The following PTPRK variants were observed in gnomAD, a reference collection of about 807,000 sequenced individuals.
The protein encoded by PTPRK is receptor-type tyrosine-protein phosphatase kappa.
PTPRK carries 75 observed loss-of-function variants against 178.0 expected under a neutral mutation model. The observed-to-expected ratio is 0.42, with a 90% CI of 0.35 to 0.51. The LOEUF (loss-of-function observed/expected upper bound fraction) is 0.51, where lower values mean the gene tolerates loss of function less well. PTPRK is among the 20% of genes least tolerant of loss of function. The pLI is 0.02. For synonymous variants in PTPRK, 637 were observed against 620.6 expected (o/e 1.03, Z -0.39); for missense variants, 1,441 against 1,797.8 (o/e 0.80, Z 3.59).
intron 2 of PTPRK, among the ~76,000 whole-genome samples, chr6:128,336,290 T>A (rs1830922088): frequency 6.6e-6 from 1 of 152,006 alleles, no homozygotes. Flanking sequence ...GCTCAATGGG[T>A]AAACACAAAC....
intron 2 of PTPRK, among the ~76,000 whole-genome samples, chr6:128,351,652 C>T (rs901438915): frequency 3.9e-5 from 6 of 152,122 alleles, no homozygotes; most frequent in African/African-American, 1.4e-4. Flanking sequence ...AGGGCAAAAA[C>T]TTTCAAACAT....
At chr6:128,356,333 A>G in intron 2 of PTPRK, among the ~76,000 whole-genome samples, 1 of 152,166 alleles carries the variant, frequency 6.6e-6, no homozygotes, top group Admixed American at 6.5e-5. Flanking sequence ...GGTATAATCA[A>G]CGGACTTCCT....
intron 12 of PTPRK, among the ~76,000 whole-genome samples, chr6:128,066,700 CAATA>C (rs138949244): frequency 0.093 from 13,966 of 149,426 alleles, 934 homozygotes; most frequent in African/African-American, 0.19. Context: ...CTCTGTCTGC[CAATA>C]AATAAATAAA....
intron 7 of PTPRK, among the ~76,000 whole-genome samples, chr6:128,159,340 C>T (rs1798360941): frequency 6.6e-6 from 1 of 151,768 alleles, no homozygotes; most frequent in Non-Finnish European, 1.5e-5. Flanking sequence ...ATCAAAGCCC[C>T]AGACTAGGAA....
rs1262070141 is a variant in PTPRK at position 127,983,183 on chromosome 6, CTT to C, written c.3387+57_3387+58del. On this transcript the variant is annotated intron_variant, in intron 23 of 29. Transcript: ENST00000368226. ...AGAGTATATATGAGAGACATCTACT[CTT>C]TGTTTGCAAAAAAAATAAAAAATAA... 4 of 1,448,812 alleles carry C rather than the reference CTT, an allele frequency of 2.8e-6. No individual in the cohort carries two copies. The African/African-American group carries it at 4.4e-5, about 16-fold the overall frequency. 89.7% of individuals were successfully genotyped at this position (1,448,812 alleles called of 1,614,324 possible).
At chr6:128,481,149 A>G (rs1220503049) in intron 1 of PTPRK, among the ~76,000 whole-genome samples, 1 of 151,984 alleles carries the variant, frequency 6.6e-6, no homozygotes, top group Non-Finnish European at 1.5e-5. Flanking sequence ...AAAAAAAACT[A>G]AAAGCTCAAA....
chr6:128,022,452 A>G (rs1773666840), intron 13 of PTPRK, among the ~76,000 whole-genome samples: 3 of 152,102 alleles, frequency 2.0e-5, no homozygotes. Context: ...CTTGACCTTT[A>G]GTATATTTAC....
At chr6:128,235,580 C>T (rs766191192) in intron 5 of PTPRK, 5 of 510,790 alleles carry the variant, frequency 9.8e-6, no homozygotes, top group Admixed American at 4.1e-5. Context: ...TTGCAGTTAC[C>T]TTCTGTCAAT....
intron 1 of PTPRK, among the ~76,000 whole-genome samples, chr6:128,485,499 A>G (rs1177734851): frequency 6.6e-6 from 1 of 152,206 alleles, no homozygotes; most frequent in Non-Finnish European, 1.5e-5. Context: ...TATAACAATC[A>G]CTGTTATTAC....
chr6:128,097,480 G>C (rs1788103609), intron 7 of PTPRK, among the ~76,000 whole-genome samples: 2 of 152,220 alleles, frequency 1.3e-5, no homozygotes, highest in Non-Finnish European at 2.9e-5. Flanking sequence ...TACTACCCAA[G>C]TGACATGGAA....
chr6:128,405,828 G>A (rs1458348160), intron 1 of PTPRK, among the ~76,000 whole-genome samples: 1 of 151,982 alleles, frequency 6.6e-6, no homozygotes, highest in African/African-American at 2.4e-5. Flanking sequence ...GCAAAGACCT[G>A]CTTTGAGGGT....
intron 7 of PTPRK, among the ~76,000 whole-genome samples, chr6:128,160,383 A>C (rs1003300682): frequency 2.6e-5 from 4 of 151,900 alleles, no homozygotes; most frequent in Non-Finnish European, 4.4e-5. Context: ...GGTATGGATG[A>C]TAATGAACAA....
chr6:127,982,699 A>G, intron 24 of PTPRK, 132 bp downstream of exon 24: 1 of 663,062 alleles, frequency 1.5e-6, no homozygotes, highest in Non-Finnish European at 2.5e-6. Context: ...GTATAATGAA[A>G]GAGATACGTA....
At chr6:128,516,439 A>C (rs747978644) in intron 1 of PTPRK, among the ~76,000 whole-genome samples, 1 of 152,198 alleles carries the variant, frequency 6.6e-6, no homozygotes, top group Non-Finnish European at 1.5e-5. Context: ...TATGATTGCT[A>C]GTGATTAGAA....
chr6:128,161,828 G>A (rs751421980), intron 7 of PTPRK, among the ~76,000 whole-genome samples: 18 of 151,286 alleles, frequency 1.2e-4, no homozygotes, highest in Non-Finnish European at 2.4e-4. Flanking sequence ...AAACATATTT[G>A]TCAATTTAAA....
chr6:128,253,614 A>C (rs1816825604), intron 3 of PTPRK, among the ~76,000 whole-genome samples: 1 of 152,214 alleles, frequency 6.6e-6, no homozygotes, highest in Non-Finnish European at 1.5e-5. Flanking sequence ...AGAACCTTTT[A>C]AATTTCAGCA....
chr6:128,195,548 G>A (rs1334179536), intron 6 of PTPRK, among the ~76,000 whole-genome samples: 1 of 150,618 alleles, frequency 6.6e-6, no homozygotes, highest in Non-Finnish European at 1.5e-5. Flanking sequence ...ACATGTCTAT[G>A]TAGGGTACAG....
chr6:128,058,027 T>C (rs190298440), intron 13 of PTPRK, among the ~76,000 whole-genome samples: 38 of 152,360 alleles, frequency 2.5e-4, no homozygotes, highest in Admixed American at 9.8e-4. Context: ...CTTTAGAGCA[T>C]GGCATTATGT....
At position 128,163,935 on chromosome 6, in the gene PTPRK, A is replaced by G. The variant is rs1462320607; in HGVS notation, c.1162+20497T>C. Among the ~76,000 whole-genome samples the G allele has an allele frequency of 6.6e-5, 10 of 151,566 alleles. No homozygotes were observed. The East Asian group carries it at 1.7e-3, about 27-fold the overall frequency. On this transcript the variant is annotated intron_variant, in intron 7 of 29. Coordinates refer to ENST00000368226, the MANE Select transcript of PTPRK (RefSeq NM_002844.4). ...AAATTAGAGAGTAGTGAAGTGGGAC[A>G]TATTTTATTTTCTTGTACAAGTTCT...
Sources: allele counts gnomAD v4.1 joint callset (sites outside exome capture counted in the v4.1 genomes callset), GRCh38; gene constraint gnomAD v4.1.1; transcripts MANE v1.5; gene names NCBI Gene and HGNC (gene_info 2026-07-23, HGNC 2026-07-21).